Variants in PRIM1 observed in about 807,000 individuals in gnomAD.
The protein encoded by PRIM1 is DNA primase small subunit.
Under a neutral mutation model 60.2 loss-of-function variants are expected in PRIM1, and 38 were observed. The ratio of observed to expected loss-of-function variants is 0.63; its 90% CI spans 0.49 to 0.83. The LOEUF is 0.83. Among genes scored for constraint, PRIM1 ranks in the 40% least tolerant of loss-of-function variants. The pLI, the probability that PRIM1 is intolerant of heterozygous loss-of-function variation, is 0.00. For synonymous variants in PRIM1, 158 were observed against 160.2 expected, an observed-to-expected ratio of 0.99 and a Z score of 0.10; for missense variants, 388 against 506.2, an observed-to-expected ratio of 0.77 and a Z score of 2.24.
intron 2 of PRIM1, among the ~76,000 whole-genome samples, chr12:56,749,197 C>CA (rs1953929230): frequency 6.6e-6 from 1 of 152,038 alleles, no homozygotes; most frequent in African/African-American, 2.4e-5. Flanking sequence ...TTGGTAGAGA[C>CA]AGAGTTTTAC....
At chr12:56,734,825 T>A (rs1421822447) in intron 11 of PRIM1, among the ~76,000 whole-genome samples, 2 of 145,640 alleles carry the variant, frequency 1.4e-5, no homozygotes, top group Non-Finnish European at 3.0e-5. Flanking sequence ...TTTTTTTTTT[T>A]TTTTGAGACA....
intron 8 of PRIM1, 47 bp from the exon 9 acceptor site, chr12:56,741,623 A>T (rs1296789827): frequency 1.3e-6 from 2 of 1,586,068 alleles, no homozygotes; most frequent in Non-Finnish European, 1.7e-6. Context: ...GGAACTGTTG[A>T]AGATTTCTTT....
chr12:56,737,358 T>A lies in PRIM1; in HGVS notation c.1144+1076A>T, dbSNP rs1310832242. On this transcript the variant is annotated intron_variant, in intron 11 of 12. Transcript: ENST00000338193. ...TGCGCTGCTATGCGGCATCTTTTTT[T>A]TTTTTTTTGAGACGGAGTTTTGCTC... Among the ~76,000 whole-genome samples, 3 of 151,996 alleles carry A rather than the reference T, an allele frequency of 2.0e-5. No homozygotes were observed. In the East Asian group the frequency reaches 5.8e-4, roughly 29 times the overall value.
chr12:56,737,260 C>A (rs1044781767), intron 11 of PRIM1, among the ~76,000 whole-genome samples: 1 of 152,150 alleles, frequency 6.6e-6, no homozygotes, highest in Non-Finnish European at 1.5e-5. Flanking sequence ...AACTCCTCCC[C>A]CTCTCTTTGC....
chr12:56,750,969 C>G (rs1953949159), intron 2 of PRIM1, 69 bp downstream of exon 2: 1 of 1,090,494 alleles, frequency 9.2e-7, no homozygotes. Flanking sequence ...TCTCAAAACG[C>G]AAGAGGAATC....
chr12:56,731,921 T>G (rs1953787915), intron 12 of PRIM1, among the ~76,000 whole-genome samples, 187 bp from the exon 13 acceptor site: 1 of 152,234 alleles, frequency 6.6e-6, no homozygotes, highest in African/African-American at 2.4e-5. Context: ...ACAAAGGACT[T>G]AATACGGCCA....
At position 56,739,360 on chromosome 12, in the gene PRIM1, C is replaced by T. The variant is rs1953855993; in HGVS notation, c.986G>A (p.Arg329His). Reference protein sequence around the residue: ...SPFSVHPKTGRISVPIDLQKV... With the variant: ...SPFSVHPKTGHISVPIDLQKV... ...CTGCAAATCAATAGGCACAGATATG[C>T]GACCTGTAAGACACAAAAGTTATAA... The change falls in exon 10 of 13, where the codon CGC becomes CAC. Residue 329 changes from arginine to histidine, a missense_variant. This residue lies in a region of PRIM1 where 211 missense variants were observed against 277.9 expected (regional missense o/e 0.76). Transcript: ENST00000338193. The T allele has an allele frequency of 1.2e-5, 18 of 1,554,096 alleles. No individual in the cohort carries two copies. The highest frequency in any genetic ancestry group is 3.6e-5 in the Admixed American group (2 of 56,046).
intron 2 of PRIM1, 74 bp downstream of exon 2, chr12:56,750,964 A>G: frequency 9.5e-7 from 1 of 1,056,784 alleles, no homozygotes; most frequent in Middle Eastern, 3.4e-4. Context: ...TTTAATCTCA[A>G]AACGCAAGAG....
intron 4 of PRIM1, 149 bp downstream of exon 4, chr12:56,746,626 TCACACA>T (rs71446569): frequency 0.019 from 12,281 of 637,558 alleles, 108 homozygotes; most frequent in African/African-American, 0.074. Context: ...GTGAGACTCG[TCACACA>T]CACACACACA....
intron 7 of PRIM1, 43 bp downstream of exon 7, chr12:56,742,944 C>G (rs1475059701): frequency 2.9e-6 from 4 of 1,396,300 alleles, no homozygotes; most frequent in Non-Finnish European, 3.9e-6. Flanking sequence ...TATCACAGAT[C>G]AAAACAACTA....
intron 7 of PRIM1, among the ~76,000 whole-genome samples, chr12:56,742,459 T>C (rs1421516042): frequency 1.3e-5 from 2 of 151,590 alleles, no homozygotes; most frequent in East Asian, 3.9e-4. Flanking sequence ...GTCCCAGCTA[T>C]TTGGGAGGCT....
chr12:56,741,877 C>G (rs544677561), intron 7 of PRIM1, 40 bp from the exon 8 acceptor site: 1 of 1,538,786 alleles, frequency 6.5e-7, no homozygotes, highest in East Asian at 2.2e-5. Flanking sequence ...TAGGGAACAT[C>G]AATGAACAAT....
At chr12:56,750,948 TA>T in intron 2 of PRIM1, 89 bp downstream of exon 2, 1 of 940,132 alleles carries the variant, frequency 1.1e-6, no homozygotes, top group Non-Finnish European at 1.4e-6. Flanking sequence ...GAATAAACTC[TA>T]AAAATTTAAT....
intron 5 of PRIM1, among the ~76,000 whole-genome samples, chr12:56,744,817 C>T (rs563588947): frequency 2.6e-5 from 4 of 152,148 alleles, no homozygotes; most frequent in African/African-American, 7.2e-5. Flanking sequence ...TAGGGCTGGA[C>T]GCAGTGGCTC....
At position 56,746,794 on chromosome 12, in the gene PRIM1, G is replaced by T; in HGVS notation, c.429C>A (p.Asp143Glu). The T allele has an allele frequency of 6.2e-7, 1 of 1,613,882 alleles. No individual in the cohort carries two copies. The highest frequency in any genetic ancestry group is 8.5e-7 in the Non-Finnish European group (1 of 1,179,846). ...TLMTMAIRIIDRALKEDFGFK... is the reference protein window; with the variant it reads ...TLMTMAIRIIERALKEDFGFK... ...GCTGATACTTGCCCTTCAATGCTCTGTCAATGATGCGTATGGCCATTGTCA... is the reference window on the plus strand; with the variant it reads ...GCTGATACTTGCCCTTCAATGCTCTTTCAATGATGCGTATGGCCATTGTCA... Residue 143 changes from aspartate to glutamate, a missense_variant, in exon 4 of 13, where the codon GAC becomes GAA. Asp to Glu is a conservative substitution (Grantham distance 45, BLOSUM62 2). This residue lies in a region of PRIM1 where 21 missense variants were observed against 52.5 expected (regional missense o/e 0.40). Transcript: ENST00000338193.
Position 56,747,042 on chromosome 12 carries a change from CA to C in PRIM1, c.262-11del, listed in dbSNP as rs1032843997. On this transcript the variant is annotated splice_polypyrimidine_tract_variant and intron_variant, in intron 2 of 12. Coordinates refer to ENST00000338193, the MANE Select transcript of PRIM1 (RefSeq NM_000946.3). Reference sequence around the variant, plus strand: ...TATTGTGTTGATTGGGCTACAGATACAAAATATTGATCAGTTTCTATAAGAG... The same window carrying C: ...TATTGTGTTGATTGGGCTACAGATACAAATATTGATCAGTTTCTATAAGAG... 3.1e-6 allele frequency: 5 copies of C among 1,593,666 alleles called. No individual in the cohort carries two copies. The highest frequency in any genetic ancestry group is 3.4e-5 in the Admixed American group (2 of 58,916).
At chr12:56,736,800 G>A (rs565587987) in intron 11 of PRIM1, among the ~76,000 whole-genome samples, 3 of 151,716 alleles carry the variant, frequency 2.0e-5, no homozygotes, top group South Asian at 2.1e-4. Context: ...TACTGCGCCC[G>A]GCCACATAAT....
rs142740016 is a variant in PRIM1 at position 56,737,764 on chromosome 12, G to A, written c.1144+670C>T. Reference sequence around the variant, plus strand: ...TTATTTGAGACAGTCTCCCTCTGCCGCCCAGGCTGGAGTGCAGTGGCACAA... The same window carrying A: ...TTATTTGAGACAGTCTCCCTCTGCCACCCAGGCTGGAGTGCAGTGGCACAA... On this transcript the variant is annotated intron_variant, in intron 11 of 12. Coordinates refer to ENST00000338193, the MANE Select transcript of PRIM1 (RefSeq NM_000946.3). 1.1e-3 allele frequency among the ~76,000 whole-genome samples: 174 copies of A among 151,890 alleles called. 1 individual carries two copies. Among genetic ancestry groups the A allele is most frequent in the Admixed American group, 2.4e-3 (37 of 15,236 alleles).
At position 56,746,655 on chromosome 12, in the gene PRIM1, CACACACACACACACACACACAA is replaced by C. The variant is rs765639057; in HGVS notation, c.442+104_442+125del. On this transcript the variant is annotated intron_variant, in intron 4 of 12. Transcript: ENST00000338193. ...ACACACACACACACACACACACACA[CACACACACACACACACACACAA>C]ATTAATGAGATTTGATCACAAAATA... 1,266 of 759,742 alleles carry C rather than the reference CACACACACACACACACACACAA, an allele frequency of 1.7e-3. 16 individuals are homozygous for C. The highest frequency in any genetic ancestry group is 9.5e-3 in the Middle Eastern group (42 of 4,412). The allele number at this position is 759,742 out of a possible 1,614,324, so 47.1% of individuals were successfully genotyped here.
Sources: gnomAD v4.1 joint callset for allele counts (sites outside exome capture counted in the v4.1 genomes callset) on GRCh38, gnomAD v4.1.1 for gene constraint, gnomAD v4.1.1 regional missense constraint, MANE v1.5 for transcripts, NCBI Gene and HGNC (gene_info 2026-07-23, HGNC 2026-07-21) for gene names.